The following ST8SIA2 variants were observed in gnomAD, a reference collection of about 807,000 sequenced individuals.
The protein encoded by ST8SIA2 is alpha-2,8-sialyltransferase 8B.
Under a neutral mutation model 37.6 loss-of-function variants are expected in ST8SIA2, and 22 were observed. The observed-to-expected ratio is 0.58, with a 90% confidence interval of 0.42 to 0.83. The LOEUF (loss-of-function observed/expected upper bound fraction) is 0.83. Among genes scored for constraint, ST8SIA2 ranks in the 40% least tolerant of loss-of-function variants. The pLI, the probability that ST8SIA2 is intolerant of heterozygous loss-of-function variation, is 0.00. For missense variants in ST8SIA2, 382 were observed against 484.7 expected, an observed-to-expected ratio of 0.79 and a Z score of 1.99; for synonymous variants, 205 against 201.2, an observed-to-expected ratio of 1.02 and a Z score of -0.16.
Position 92,464,439 on chromosome 15 carries a change from GGC to G in ST8SIA2, c.*55_*56del. 1 of 1,602,476 alleles carries G rather than the reference GGC, an allele frequency of 6.2e-7. No homozygotes were observed. Among genetic ancestry groups the G allele is most frequent in the Non-Finnish European group, 8.5e-7 (1 of 1,171,084 alleles). Reference sequence around the variant, plus strand: ...CACATTTCCTGCCAGCTACACCACAGGCAGATGGGAGTCGGGGTGGCACAAAC... The same window carrying G: ...CACATTTCCTGCCAGCTACACCACAGAGATGGGAGTCGGGGTGGCACAAAC... On this transcript the variant is annotated 3_prime_UTR_variant, in exon 6 of 6. Coordinates refer to ENST00000268164, the MANE Select transcript of ST8SIA2 (RefSeq NM_006011.4).
At position 92,463,250 on chromosome 15, in the gene ST8SIA2, T is replaced by G. The variant is rs534938972; in HGVS notation, c.843-850T>G. On this transcript the variant is annotated intron_variant, in intron 5 of 5. Transcript: ENST00000268164. ...TCTCTTCACTTCTCTTTGTTTCCTC[T>G]CGTAACCCTTTAACAGACGACTTGA... is the stretch of plus-strand genomic sequence containing the variant. 3.3e-5 allele frequency among the ~76,000 whole-genome samples: 5 copies of G among 152,344 alleles called. No individual in the cohort carries two copies. In the South Asian group the frequency reaches 1.0e-3, roughly 32 times the overall value.
At chr15:92,434,520 A>G (rs1219764641) in intron 3 of ST8SIA2, 145 bp downstream of exon 3, 4 of 1,282,456 alleles carry the variant, frequency 3.1e-6, no homozygotes, top group Middle Eastern at 2.6e-4. Context: ...TAAGTGATCA[A>G]TCGGAAATAA....
In ST8SIA2 at chr15:92,438,645, C is replaced by A. The variant is rs377112944; in HGVS notation, c.548+35C>A. 4 of 1,561,592 alleles carry A rather than the reference C, an allele frequency of 2.6e-6. No individual in the cohort carries two copies. In the Admixed American group the frequency reaches 7.8e-5, roughly 31 times the overall value. ...CCCAGCAGGCACTCTGGGGCCAGAG[C>A]GGCGGGCAGGCTGTGTTTCAGTGGA... On this transcript the variant is annotated intron_variant, in intron 4 of 5. Coordinates refer to ENST00000268164, the MANE Select transcript of ST8SIA2 (RefSeq NM_006011.4).
At chr15:92,444,590 G>T in intron 4 of ST8SIA2, 46 bp from the exon 5 acceptor site, 1 of 1,612,866 alleles carries the variant, frequency 6.2e-7, no homozygotes, top group African/African-American at 1.3e-5. Context: ...CAGAGGAAGG[G>T]GTCTCAGCTT....
intron 1 of ST8SIA2, among the ~76,000 whole-genome samples, chr15:92,425,694 C>T (rs914770144): frequency 6.6e-6 from 1 of 152,108 alleles, no homozygotes; most frequent in Admixed American, 6.5e-5. Context: ...AGAATGGGCA[C>T]GGTGGGGCCA....
chr15:92,406,537 A>G (rs1002919287), intron 1 of ST8SIA2, among the ~76,000 whole-genome samples: 29 of 152,220 alleles, frequency 1.9e-4, no homozygotes, highest in African/African-American at 7.0e-4. Context: ...GGTGAAGTGT[A>G]TGCACACTTT....
chr15:92,409,128 G>A (rs2049531260), intron 1 of ST8SIA2, among the ~76,000 whole-genome samples: 1 of 152,206 alleles, frequency 6.6e-6, no homozygotes, highest in South Asian at 2.1e-4. Flanking sequence ...TATGGGCTCT[G>A]AGGTCTCGTG....
chr15:92,443,912 C>G (rs1242122485), intron 4 of ST8SIA2, among the ~76,000 whole-genome samples: 1 of 152,132 alleles, frequency 6.6e-6, no homozygotes, highest in South Asian at 2.1e-4. Context: ...ATATTTTTAA[C>G]GAGCGCCTGG....
intron 5 of ST8SIA2, among the ~76,000 whole-genome samples, chr15:92,462,920 G>C (rs2049967532): frequency 6.6e-6 from 1 of 152,248 alleles, no homozygotes; most frequent in African/African-American, 2.4e-5. Flanking sequence ...GAACGTAAGA[G>C]GATGACAAAT....
At chr15:92,402,849 CAGAG>C (rs58104024) in intron 1 of ST8SIA2, among the ~76,000 whole-genome samples, 7,181 of 149,516 alleles carry the variant, frequency 0.048, 581 homozygotes, top group African/African-American at 0.17. Context: ...ATCTCATTAC[CAGAG>C]AGAGAGAGAG....
chr15:92,425,406 C>G (rs927032238), intron 1 of ST8SIA2, among the ~76,000 whole-genome samples: 2 of 152,212 alleles, frequency 1.3e-5, no homozygotes, highest in African/African-American at 4.8e-5. Context: ...AAAACCCCCA[C>G]TTAACTCTTG....
At chr15:92,417,969 C>T (rs1307384446) in intron 1 of ST8SIA2, among the ~76,000 whole-genome samples, 7 of 152,204 alleles carry the variant, frequency 4.6e-5, no homozygotes, top group Admixed American at 2.6e-4. Flanking sequence ...GGGGCCTCCT[C>T]GACATATATT....
intron 2 of ST8SIA2, among the ~76,000 whole-genome samples, chr15:92,432,445 C>T (rs2049722710): frequency 6.6e-6 from 1 of 152,194 alleles, no homozygotes; most frequent in Admixed American, 6.5e-5. Flanking sequence ...ATTCCAGAAC[C>T]TCACGAGATG....
In ST8SIA2 at chr15:92,468,104, A is replaced by G. The variant is rs2050005864; in HGVS notation, c.*3719A>G. ...ATTCTTCCCACTAGCACTAATCTCG[A>G]CTCTTTGTCACTTGGACTATTTCAG... On this transcript the variant is annotated 3_prime_UTR_variant, in exon 6 of 6. Coordinates refer to ENST00000268164, the MANE Select transcript of ST8SIA2 (RefSeq NM_006011.4). 6.6e-6 allele frequency: 1 copy of G among 151,838 alleles called. No homozygotes were observed. The highest frequency in any genetic ancestry group is 1.5e-5 in the Non-Finnish European group (1 of 67,946). The allele number at this position is 151,838 out of a possible 1,614,324, so 9.4% of individuals were successfully genotyped here. A position where few individuals can be genotyped will look rare whatever the true frequency, so the allele number is the denominator to read the frequency against.
chr15:92,416,025 C>CTGAAGAG, intron 1 of ST8SIA2, among the ~76,000 whole-genome samples: 1 of 152,074 alleles, frequency 6.6e-6, no homozygotes. Flanking sequence ...GTAAGAGAGA[C>CTGAAGAG]TGAAGAGTTT....
chr15:92,413,349 T>C (rs1417429897), intron 1 of ST8SIA2, among the ~76,000 whole-genome samples: 1 of 152,218 alleles, frequency 6.6e-6, no homozygotes, highest in Non-Finnish European at 1.5e-5. Context: ...CCTTTTTTAC[T>C]CTTCACAGTT....
chr15:92,441,521 C>T (rs958239830), intron 4 of ST8SIA2, among the ~76,000 whole-genome samples: 4 of 150,408 alleles, frequency 2.7e-5, no homozygotes, highest in Middle Eastern at 6.8e-3. Context: ...TATCTGGGAT[C>T]GTGTGTGCAG....
intron 5 of ST8SIA2, among the ~76,000 whole-genome samples, chr15:92,451,343 G>T (rs900603711): frequency 6.6e-6 from 1 of 152,142 alleles, no homozygotes; most frequent in Admixed American, 6.5e-5. Context: ...AAGGCTACAC[G>T]TGCACACACT....
intron 3 of ST8SIA2, among the ~76,000 whole-genome samples, chr15:92,434,606 AG>A (rs1412177159): frequency 6.6e-6 from 1 of 152,222 alleles, no homozygotes; most frequent in East Asian, 1.9e-4. Context: ...ACACCCGCTG[AG>A]GTTCTGGGCT....
Sources: allele counts gnomAD v4.1 joint callset (sites outside exome capture counted in the v4.1 genomes callset), GRCh38; gene constraint gnomAD v4.1.1; transcripts MANE v1.5; gene names NCBI Gene and HGNC (gene_info 2026-07-23, HGNC 2026-07-21).